NET1: variants seen among roughly 807,000 people sequenced by gnomAD.
The protein encoded by NET1 is neuroepithelial cell transforming 1.
A neutral mutation model predicts 61.1 loss-of-function variants in NET1; 42 were observed. That is an observed-to-expected ratio of 0.69 (90% CI 0.54 to 0.89). The LOEUF (loss-of-function observed/expected upper bound fraction) is 0.89, where lower values mean the gene tolerates loss of function less well. Ranked by LOEUF, NET1 falls within the 40% of genes least tolerant of loss-of-function variation. The pLI is 0.00. For missense variants in NET1, 654 were observed against 747.3 expected, an observed-to-expected ratio of 0.88 and a Z score of 1.46; for synonymous variants, 254 against 281.8, an observed-to-expected ratio of 0.90 and a Z score of 0.99.
rs935391146 is a variant in NET1, at chr10:5,454,193, A to T, written c.769-72A>T. The T allele has an allele frequency of 2.1e-6, 3 of 1,461,970 alleles. No individual in the cohort carries two copies. Among genetic ancestry groups the T allele is most frequent in the East Asian group, 4.6e-5 (2 of 43,824 alleles). The allele number at this position is 1,461,970 out of a possible 1,614,324, so 90.6% of individuals were successfully genotyped here. A position where few individuals can be genotyped will look rare whatever the true frequency, so the allele number is the denominator to read the frequency against. Reference sequence around the variant, plus strand: ...AGAATAGCTGTACATTTTGTGTTTCATGTTTGCAGGCTTGTTAATGCACTC... The same window carrying T: ...AGAATAGCTGTACATTTTGTGTTTCTTGTTTGCAGGCTTGTTAATGCACTC... On this transcript the variant is annotated intron_variant, in intron 8 of 11. Coordinates refer to ENST00000355029, the MANE Select transcript of NET1 (RefSeq NM_001047160.3). This position sits in a 1 kb window ranked among gnomAD's most constrained non-coding sequence, Gnocchi z 8.1.
At position 5,452,933 on chromosome 10, in the gene NET1, C is replaced by G; in HGVS notation, c.594+13C>G. 6.5e-7 allele frequency: 1 copy of G among 1,549,622 alleles called. No individual in the cohort carries two copies. Among genetic ancestry groups the G allele is most frequent in the Non-Finnish European group, 8.9e-7 (1 of 1,122,276 alleles). On this transcript the variant is annotated intron_variant, in intron 6 of 11. Transcript: ENST00000355029. This position sits in a 1 kb window ranked among gnomAD's most constrained non-coding sequence, Gnocchi z 4.0. ...ACTTGCAAGAAAGGTCAGTAAATAA[C>G]TTTTTATCAGATGCCCTAGTTTTTA...
chr10:5,412,831 G>A lies in NET1; in HGVS notation c.128+11G>A. ...GGAGCTGGACGGGAGGTGAGTGTGG[G>A]GGAGGGGAGGGCCGAACGGGAGGTG... On this transcript the variant is annotated intron_variant, in intron 1 of 11. Transcript: ENST00000355029. The surrounding 1 kb of genome is among the most constrained non-coding windows in gnomAD (Gnocchi z 6.5). The A allele has an allele frequency of 1.4e-6, 2 of 1,396,914 alleles. No individual in the cohort carries two copies. The highest frequency in any genetic ancestry group is 3.0e-5 in the East Asian group (1 of 32,998). 86.5% of individuals were successfully genotyped at this position (1,396,914 alleles called of 1,614,324 possible).
At chr10:5,434,038 C>T (rs1832387292) in intron 3 of NET1, among the ~76,000 whole-genome samples, 1 of 152,098 alleles carries the variant, frequency 6.6e-6, no homozygotes, top group Non-Finnish European at 1.5e-5. Context: ...ATTTACTTCA[C>T]GCTGTAGAGA....
intron 2 of NET1, among the ~76,000 whole-genome samples, chr10:5,428,061 T>TCTC (rs1832288028): frequency 1.0e-5 from 1 of 96,996 alleles, no homozygotes; most frequent in African/African-American, 3.5e-5. Flanking sequence ...TTTTTTTTTT[T>TCTC]TTTTTTCTTC....
rs757679685 is a variant in NET1, at chr10:5,412,807, G to C, written c.115G>C (p.Glu39Gln). Residue 39 changes from glutamate to glutamine, a missense_variant, in exon 1 of 12, where the codon GAG (glutamate) becomes CAG (glutamine). Physicochemically the swap from Glu to Gln is conservative, Grantham distance 29 (BLOSUM62 2). Coordinates refer to ENST00000355029, the MANE Select transcript of NET1 (RefSeq NM_001047160.3). The surrounding 1 kb of genome is among the most constrained non-coding windows in gnomAD (Gnocchi z 6.5). ...TGPSADTSGS[E>Q]LDGRCSLRRG... The stretch of plus-strand genomic sequence containing the variant: ...GCCTTCGGCCGACACCTCCGGGTCG[G>C]AGCTGGACGGGAGGTGAGTGTGGGG... The C allele has an allele frequency of 6.9e-7, 1 of 1,439,956 alleles. No homozygotes were observed. 89.2% of individuals were successfully genotyped at this position (1,439,956 alleles called of 1,614,324 possible). A position where few individuals can be genotyped will look rare whatever the true frequency, so the allele number is the denominator to read the frequency against.
chr10:5,426,737 G>A lies in NET1; in HGVS notation c.195+16G>A, dbSNP rs764860220. 5.1e-6 allele frequency: 8 copies of A among 1,573,798 alleles called. No homozygotes were observed. Among genetic ancestry groups the A allele is most frequent in the Admixed American group, 1.9e-5 (1 of 52,816 alleles). ...CTTCACTTTGGTGAGTAGATACCTGGGTTTTTATTTCGAGACATTAGATAG... is the reference window on the plus strand; with the variant it reads ...CTTCACTTTGGTGAGTAGATACCTGAGTTTTTATTTCGAGACATTAGATAG... On this transcript the variant is annotated intron_variant, in intron 2 of 11. Transcript: ENST00000355029. The surrounding 1 kb of genome is among the most constrained non-coding windows in gnomAD (Gnocchi z 4.6).
At position 5,424,828 on chromosome 10, in the gene NET1, C is replaced by T. The variant is rs1564458979; in HGVS notation, c.129-1827C>T. Among the ~76,000 whole-genome samples the T allele has an allele frequency of 3.3e-5, 5 of 152,136 alleles. No individual in the cohort carries two copies. The highest frequency in any genetic ancestry group is 7.2e-5 in the African/African-American group (3 of 41,416). On this transcript the variant is annotated intron_variant, in intron 1 of 11. Coordinates refer to ENST00000355029, the MANE Select transcript of NET1 (RefSeq NM_001047160.3). The surrounding 1 kb of genome is among the most constrained non-coding windows in gnomAD (Gnocchi z 6.1). ...AAGTCTTTCCTGGCAATTTTGACATCGAACCGTCTCTCAAATCAGCTTCTC... is the reference window on the plus strand; with the variant it reads ...AAGTCTTTCCTGGCAATTTTGACATTGAACCGTCTCTCAAATCAGCTTCTC...
Position 5,412,828 on chromosome 10 carries a change from T to TG in NET1, c.128+13dup, listed in dbSNP as rs747486212. 3 of 1,210,796 alleles carry TG rather than the reference T, an allele frequency of 2.5e-6. No homozygotes were observed. The African/African-American group carries it at 6.6e-5, about 27-fold the overall frequency. The allele number at this position is 1,210,796 out of a possible 1,614,324, so 75.0% of individuals were successfully genotyped here. On this transcript the variant is annotated intron_variant, in intron 1 of 11. Transcript: ENST00000355029. The surrounding 1 kb of genome is among the most constrained non-coding windows in gnomAD (Gnocchi z 6.5). The stretch of plus-strand genomic sequence containing the variant: ...GTCGGAGCTGGACGGGAGGTGAGTG[T>TG]GGGGGAGGGGAGGGCCGAACGGGAG...
chr10:5,429,192 A>G lies in NET1; in HGVS notation c.218A>G (p.Asp73Gly). ...FTLKRKRREK[D>G]DDVVSLSSLD... ...TAGAAAAGAAAACGCAGAGAGAAAG[A>G]TGATGATGTTGTAAGCCTTAGCAGC... The change falls in exon 3 of 12, where the codon GAT becomes GGT. Residue 73 changes from aspartate (D) to glycine (G), a missense_variant. Coordinates refer to ENST00000355029, the MANE Select transcript of NET1 (RefSeq NM_001047160.3). 5 of 1,610,900 alleles carry G rather than the reference A, an allele frequency of 3.1e-6. No homozygotes were observed. Among genetic ancestry groups the G allele is most frequent in the Non-Finnish European group, 4.2e-6 (5 of 1,178,302 alleles).
chr10:5,429,562 C>T (rs1814210942), intron 3 of NET1, among the ~76,000 whole-genome samples: 1 of 152,068 alleles, frequency 6.6e-6, no homozygotes, highest in Admixed American at 6.6e-5. Flanking sequence ...AGGTTCTAGC[C>T]CACTGTCACA....
intron 2 of NET1, among the ~76,000 whole-genome samples, 199 bp from the exon 3 acceptor site, chr10:5,428,971 C>T (rs1467911456): frequency 6.6e-6 from 1 of 150,982 alleles, no homozygotes; most frequent in Non-Finnish European, 1.5e-5. Flanking sequence ...TGACCTCAGA[C>T]GATCCGCCCT....
Position 5,426,820 on chromosome 10 carries a change from G to C in NET1, c.195+99G>C. On this transcript the variant is annotated intron_variant, in intron 2 of 11. Coordinates refer to ENST00000355029, the MANE Select transcript of NET1 (RefSeq NM_001047160.3). This position sits in a 1 kb window ranked among gnomAD's most constrained non-coding sequence, Gnocchi z 4.6. ...ACAGATCAGTGGTCCTTACTTCTGAGGGTCTTGAGGAACAGAATTCCTGTA... is the reference window on the plus strand; with the variant it reads ...ACAGATCAGTGGTCCTTACTTCTGACGGTCTTGAGGAACAGAATTCCTGTA... The C allele has an allele frequency of 2.8e-6, 2 of 714,830 alleles. No individual in the cohort carries two copies. Among genetic ancestry groups the C allele is most frequent in the South Asian group, 6.6e-5 (2 of 30,214 alleles). The allele number at this position is 714,830 out of a possible 1,614,324, so 44.3% of individuals were successfully genotyped here.
chr10:5,448,619 T>C (rs915743158), intron 3 of NET1, among the ~76,000 whole-genome samples: 35 of 151,704 alleles, frequency 2.3e-4, no homozygotes, highest in Non-Finnish European at 4.3e-4. Flanking sequence ...AGAAAATTCA[T>C]TGAGCATGTA....
At position 5,453,576 on chromosome 10, in the gene NET1, T is replaced by C; in HGVS notation, c.768+16T>C. ...CGTGAGCTGGGTATGTAGTGAGTTGTTGACCCCAGATACAGTTTCTTACAG... is the reference window on the plus strand; with the variant it reads ...CGTGAGCTGGGTATGTAGTGAGTTGCTGACCCCAGATACAGTTTCTTACAG... On this transcript the variant is annotated intron_variant, in intron 8 of 11. Transcript: ENST00000355029. The surrounding 1 kb of genome is among the most constrained non-coding windows in gnomAD (Gnocchi z 4.9). 6.2e-7 allele frequency: 1 copy of C among 1,609,894 alleles called. No homozygotes were observed. The highest frequency in any genetic ancestry group is 8.5e-7 in the Non-Finnish European group (1 of 1,176,174).
At position 5,446,678 on chromosome 10, in the gene NET1, GA is replaced by G. The variant is rs1361878152; in HGVS notation, c.256-5148del. The G allele has an allele frequency of 2.2e-6, 3 of 1,362,702 alleles. No homozygotes were observed. The African/African-American group carries it at 4.4e-5, about 20-fold the overall frequency. 84.4% of individuals were successfully genotyped at this position (1,362,702 alleles called of 1,614,324 possible). A position where few individuals can be genotyped will look rare whatever the true frequency, so the allele number is the denominator to read the frequency against. ...GCCGAGGGTGGCCGAGCTCTGGGAAGAAAAGCCCGTGTGCCTCTGCATAGCG... is the reference window on the plus strand; with the variant it reads ...GCCGAGGGTGGCCGAGCTCTGGGAAGAAAGCCCGTGTGCCTCTGCATAGCG... On this transcript the variant is annotated intron_variant, in intron 3 of 11. Coordinates refer to ENST00000355029, the MANE Select transcript of NET1 (RefSeq NM_001047160.3). The surrounding 1 kb of genome is among the most constrained non-coding windows in gnomAD (Gnocchi z 5.0).
In NET1 at chr10:5,452,574, A is replaced by T. The variant is rs774099604; in HGVS notation, c.531+49A>T. On this transcript the variant is annotated intron_variant, in intron 5 of 11. Transcript: ENST00000355029. The surrounding 1 kb of genome is among the most constrained non-coding windows in gnomAD (Gnocchi z 4.0). ...GTTTTCCCAAAAGAACAGCAAATTG[A>T]TGCCGATGGCAAAATTAACTTGGAT... 7.1e-6 allele frequency: 11 copies of T among 1,546,618 alleles called. No individual in the cohort carries two copies. Among genetic ancestry groups the T allele is most frequent in the African/African-American group, 1.4e-5 (1 of 72,712 alleles).
chr10:5,437,817 T>A lies in NET1; in HGVS notation c.255+8588T>A, dbSNP rs1832462320. 6.6e-6 allele frequency among the ~76,000 whole-genome samples: 1 copy of A among 152,132 alleles called. No homozygotes were observed. The highest frequency in any genetic ancestry group is 1.5e-5 in the Non-Finnish European group (1 of 68,018). On this transcript the variant is annotated intron_variant, in intron 3 of 11. Coordinates refer to ENST00000355029, the MANE Select transcript of NET1 (RefSeq NM_001047160.3). The surrounding 1 kb of genome is among the most constrained non-coding windows in gnomAD (Gnocchi z 4.3). ...CAGTAGATTATACATTTTTCTCAAG[T>A]GCATGTAGAACATTCCAGGATAGAC...
rs199941135 is a variant in NET1 at position 5,426,749 on chromosome 10, G to C, written c.195+28G>C. 4.0e-6 allele frequency: 6 copies of C among 1,488,492 alleles called. No individual in the cohort carries two copies. The South Asian group carries it at 6.0e-5, about 15-fold the overall frequency. 92.2% of individuals were successfully genotyped at this position (1,488,492 alleles called of 1,614,324 possible). ...GAGTAGATACCTGGGTTTTTATTTC[G>C]AGACATTAGATAGAATTAATTCCCT... On this transcript the variant is annotated intron_variant, in intron 2 of 11. Coordinates refer to ENST00000355029, the MANE Select transcript of NET1 (RefSeq NM_001047160.3). This position sits in a 1 kb window ranked among gnomAD's most constrained non-coding sequence, Gnocchi z 4.6.
At chr10:5,432,229 AAAAAC>A (rs1832360401) in intron 3 of NET1, among the ~76,000 whole-genome samples, 1 of 152,246 alleles carries the variant, frequency 6.6e-6, no homozygotes, top group Admixed American at 6.5e-5. Flanking sequence ...ATAATTTTAG[AAAAAC>A]AAAACAAAAT....
Sources: gnomAD v4.1 joint callset for allele counts (sites outside exome capture counted in the v4.1 genomes callset) on GRCh38, gnomAD v4.1.1 for gene constraint, Gnocchi (gnomAD v3.1) non-coding constraint, MANE v1.5 for transcripts, NCBI Gene and HGNC (gene_info 2026-07-23, HGNC 2026-07-21) for gene names.